Variants in LMOD3 observed in about 807,000 individuals in gnomAD.
LMOD3 encodes the protein leiomodin 3.
In LMOD3, 31 loss-of-function variants were observed where a neutral mutation model predicts 41.8. The ratio of observed to expected loss-of-function variants is 0.74; its 90% CI spans 0.56 to 1.00. LMOD3 has a LOEUF of 1.00. Ranked by LOEUF, LMOD3 falls within the 50% of genes least tolerant of loss-of-function variation. The probability of loss-of-function intolerance (pLI) is 0.00; values close to 1 mark genes in which losing one functional copy is unlikely to be tolerated. For missense variants in LMOD3, 755 were observed against 679.5 expected, an observed-to-expected ratio of 1.11 and a Z score of -1.23; for synonymous variants, 292 against 241.9, an observed-to-expected ratio of 1.21 and a Z score of -1.92.
intron 2 of LMOD3, among the ~76,000 whole-genome samples, chr3:69,110,325 G>A (rs374630732): frequency 6.6e-6 from 1 of 151,720 alleles, no homozygotes; most frequent in East Asian, 2.0e-4. Context: ...TGCCTCCCAG[G>A]TTCAAGCGAT....
At chr3:69,121,482 A>G (rs1048848091) in intron 1 of LMOD3, among the ~76,000 whole-genome samples, 6 of 152,242 alleles carry the variant, frequency 3.9e-5, no homozygotes, top group Non-Finnish European at 2.9e-5. Context: ...TGCAGAGTTA[A>G]CAATTCTAGC....
chr3:69,109,099 G>T lies in LMOD3; in HGVS notation c.1679C>A (p.Ala560Glu). The T allele has an allele frequency of 6.2e-7, 1 of 1,600,824 alleles. No homozygotes were observed. Among genetic ancestry groups the T allele is most frequent in the Non-Finnish European group, 8.5e-7 (1 of 1,173,352 alleles). The change falls in exon 3 of 3, where the codon GCG (alanine) becomes GAG (glutamate). Residue 560 changes from alanine to glutamate, a missense_variant. Physicochemically the swap from Ala to Glu is moderately radical, Grantham distance 107 (BLOSUM62 -1). Coordinates refer to ENST00000420581, the MANE Select transcript of LMOD3 (RefSeq NM_198271.5). ...TCTAGATGGCTCTGTTGCCTCTTAC[G>T]CCAGTTCTTTTGGCAGTTGCACCTG... ...LKPVQLPKEL[A>E]
At chr3:69,113,130 G>C (rs2092357028) in intron 2 of LMOD3, among the ~76,000 whole-genome samples, 1 of 152,082 alleles carries the variant, frequency 6.6e-6, no homozygotes, top group African/African-American at 2.4e-5. Context: ...GGGGGAGGAG[G>C]GGTCGAAGGA....
intron 2 of LMOD3, among the ~76,000 whole-genome samples, chr3:69,114,927 A>G (rs2092364643): frequency 6.6e-6 from 1 of 152,200 alleles, no homozygotes; most frequent in African/African-American, 2.4e-5. Flanking sequence ...GTGCAGTGGC[A>G]CAAACATGGC....
At chr3:69,120,339 T>G (rs369483113) in intron 1 of LMOD3, among the ~76,000 whole-genome samples, 23 of 152,248 alleles carry the variant, frequency 1.5e-4, no homozygotes, top group African/African-American at 5.3e-4. Flanking sequence ...CCTCATAGAA[T>G]TGTTCATCGA....
At chr3:69,110,811 C>A (rs1432430583) in intron 2 of LMOD3, among the ~76,000 whole-genome samples, 1 of 133,010 alleles carries the variant, frequency 7.5e-6, no homozygotes, top group Non-Finnish European at 1.5e-5. Flanking sequence ...CCACTGCACT[C>A]CAGCCTGGGC....
At position 69,119,758 on chromosome 3, in the gene LMOD3, C is replaced by T; in HGVS notation, c.597G>A (p.Gln199=). The T allele has an allele frequency of 6.2e-7, 1 of 1,613,584 alleles. No homozygotes were observed. Among genetic ancestry groups the T allele is most frequent in the African/African-American group, 1.3e-5 (1 of 75,040 alleles). Residue 199 remains glutamine, a synonymous_variant, in exon 2 of 3, where the codon CAG becomes CAA. Coordinates refer to ENST00000420581, the MANE Select transcript of LMOD3 (RefSeq NM_198271.5). ...QQVTDKAFKE[Q]RDRPEAQEQS... ...GTTCTTGGGCCTCTGGTCTGTCTCT[C>T]TGTTCTTTGAATGCTTTGTCAGTTA...
In LMOD3 at chr3:69,118,985, G is replaced by A. The variant is rs1323958359; in HGVS notation, c.1370C>T (p.Pro457Leu). ...GCGTTGACTAAAGGGGACATTTTGG[G>A]GGTTGGGAGGCCGAGGTGGCGGTGG... ...FQPPPPRPPN[P>L]QNVPFSQRSE... Residue 457 changes from proline to leucine, a missense_variant, in exon 2 of 3, where the codon CCC (proline) becomes CTC (leucine). Pro to Leu is a moderately conservative substitution (Grantham distance 98). Transcript: ENST00000420581. 4 of 1,613,242 alleles carry A rather than the reference G, an allele frequency of 2.5e-6. No individual in the cohort carries two copies. The highest frequency in any genetic ancestry group is 1.7e-5 in the Admixed American group (1 of 59,898).
In LMOD3 at chr3:69,107,822, T is replaced by C. The variant is rs2092330275; in HGVS notation, c.*1273A>G. On this transcript the variant is annotated 3_prime_UTR_variant, in exon 3 of 3. Transcript: ENST00000420581. ...TCTAGGGTTCACACTACTTCTATTA[T>C]TACAAAAATCTCAAATTCTATGCAC... is the stretch of plus-strand genomic sequence containing the variant. The C allele has an allele frequency of 6.6e-6, 1 of 152,026 alleles. No individual in the cohort carries two copies. Among genetic ancestry groups the C allele is most frequent in the Non-Finnish European group, 1.5e-5 (1 of 68,000 alleles). The allele number at this position is 152,026 out of a possible 1,614,324, so 9.4% of individuals were successfully genotyped here. A position where few individuals can be genotyped will look rare whatever the true frequency, so the allele number is the denominator to read the frequency against.
chr3:69,115,686 T>C (rs920410745), intron 2 of LMOD3, among the ~76,000 whole-genome samples: 12 of 152,152 alleles, frequency 7.9e-5, no homozygotes, highest in African/African-American at 2.2e-4. Context: ...AACCCTTCAT[T>C]TCACCTCTAT....
chr3:69,114,246 A>G (rs1466002218), intron 2 of LMOD3, among the ~76,000 whole-genome samples: 1 of 152,146 alleles, frequency 6.6e-6, no homozygotes, highest in African/African-American at 2.4e-5. Context: ...TGCATGTGAC[A>G]TTCAAAAACT....
In LMOD3 at chr3:69,119,867, CCAT is replaced by C. The variant is rs771483761; in HGVS notation, c.485_487del (p.Asp162del). 1 of 1,555,292 alleles carries C rather than the reference CCAT, an allele frequency of 6.4e-7. No individual in the cohort carries two copies. Among genetic ancestry groups the C allele is most frequent in the African/African-American group, 1.4e-5 (1 of 73,446 alleles). The stretch of plus-strand genomic sequence containing the variant: ...TCTGTTCGTTTCTTCACTCTCTTCA[CCAT>C]CATCTTCTCCTTCGTCGTCATCATC... On this transcript the variant is annotated inframe_deletion, in exon 2 of 3. Transcript: ENST00000420581.
In LMOD3 at chr3:69,122,109, G is replaced by A; in HGVS notation, c.278C>T (p.Thr93Ile). The change falls in exon 1 of 3, where the codon ACC (threonine) becomes ATC (isoleucine). Residue 93 changes from threonine to isoleucine, a missense_variant. Physicochemically the swap from Thr to Ile is moderately conservative, Grantham distance 89. Coordinates refer to ENST00000420581, the MANE Select transcript of LMOD3 (RefSeq NM_198271.5). ...TCTGGTTACCTCGGATTTCACAAAG[G>A]TGACAGGAACTCGTTCCTCTTCCAG... Reference protein sequence around the residue: ...RMLEEERVPVTFVKSEEKTQE... With the variant: ...RMLEEERVPVIFVKSEEKTQE... 6.2e-7 allele frequency: 1 copy of A among 1,611,620 alleles called. No individual in the cohort carries two copies.
At chr3:69,110,853 AATATATAT>A (rs1302203949) in intron 2 of LMOD3, among the ~76,000 whole-genome samples, 2 of 104,124 alleles carry the variant, frequency 1.9e-5, no homozygotes, top group East Asian at 4.2e-4. Context: ...AAAAAAAAAA[AATATATAT>A]ATATATATAT....
intron 2 of LMOD3, among the ~76,000 whole-genome samples, chr3:69,118,211 T>G (rs2092385870): frequency 6.6e-6 from 1 of 152,162 alleles, no homozygotes; most frequent in Non-Finnish European, 1.5e-5. Context: ...AATGGTGTTC[T>G]TTTGAATATG....
rs1035209298 is a variant in LMOD3 at position 69,119,068 on chromosome 3, C to G, written c.1287G>C (p.Gly429=). 1 of 1,613,772 alleles carries G rather than the reference C, an allele frequency of 6.2e-7. No homozygotes were observed. The highest frequency in any genetic ancestry group is 1.3e-5 in the African/African-American group (1 of 74,964). The part of the protein sequence containing the change: ...MLENGLGLPP[G]MWELLGGPKP... Reference sequence around the variant, plus strand: ...TGGGTCCTCCCAACAGCTCCCACATCCCAGGGGGCAGCCCCAACCCATTCT... The same window carrying G: ...TGGGTCCTCCCAACAGCTCCCACATGCCAGGGGGCAGCCCCAACCCATTCT... Residue 429 remains glycine (G), a synonymous_variant, in exon 2 of 3, where the codon GGG becomes GGC. Coordinates refer to ENST00000420581, the MANE Select transcript of LMOD3 (RefSeq NM_198271.5).
rs1421270147 is a variant in LMOD3 at position 69,119,122 on chromosome 3, C to T, written c.1233G>A (p.Lys411=). ...ACATGGCTATCAGCTTCTTCTGTTCCTTGAGTTGCTGCTGTTTTTGCTCTT... is the reference window on the plus strand; with the variant it reads ...ACATGGCTATCAGCTTCTTCTGTTCTTTGAGTTGCTGCTGTTTTTGCTCTT... ...RQEEQKQQQL[K]EQKKLIAMLE... Residue 411 remains lysine, a synonymous_variant, in exon 2 of 3, where the codon AAG becomes AAA. Transcript: ENST00000420581. The T allele has an allele frequency of 6.2e-7, 1 of 1,613,800 alleles. No homozygotes were observed. The highest frequency in any genetic ancestry group is 1.1e-5 in the South Asian group (1 of 91,070).
chr3:69,110,598 T>G (rs1483025152), intron 2 of LMOD3, among the ~76,000 whole-genome samples: 1 of 149,260 alleles, frequency 6.7e-6, no homozygotes, highest in Non-Finnish European at 1.5e-5. Flanking sequence ...ATTCCAGCAC[T>G]TTGGGAGGCC....
At chr3:69,117,890 G>A (rs1356910664) in intron 2 of LMOD3, among the ~76,000 whole-genome samples, 1 of 148,956 alleles carries the variant, frequency 6.7e-6, no homozygotes, top group Non-Finnish European at 1.5e-5. Context: ...GGAGTACAGT[G>A]GTGCAATCTC....
Sources: allele counts gnomAD v4.1 joint callset (sites outside exome capture counted in the v4.1 genomes callset), GRCh38; gene constraint gnomAD v4.1.1; transcripts MANE v1.5; gene names NCBI Gene and HGNC (gene_info 2026-07-23, HGNC 2026-07-21).